Variants in ITGA2 observed in about 807,000 individuals in gnomAD.
ITGA2 encodes integrin subunit alpha 2.
In ITGA2, 101 loss-of-function variants were observed where a neutral mutation model predicts 146.3. That is an observed-to-expected ratio of 0.69 (90% CI 0.59 to 0.81). ITGA2 has a LOEUF of 0.81. ITGA2 is among the 40% of genes least tolerant of loss of function. ITGA2 has a pLI of 0.00. For synonymous variants in ITGA2, 477 were observed against 487.1 expected (o/e 0.98, Z 0.27); for missense variants, 1,281 against 1,402.7 (o/e 0.91, Z 1.39).
chr5:53,027,001 ATCTT>A, intron 2 of ITGA2, 133 bp downstream of exon 2: 1 of 758,160 alleles, frequency 1.3e-6, no homozygotes, highest in South Asian at 1.6e-5. Context: ...TAAATGAACA[ATCTT>A]TCTTTGAGAG....
intron 1 of ITGA2, among the ~76,000 whole-genome samples, chr5:53,008,926 A>C (rs1476229321): frequency 6.6e-6 from 1 of 152,160 alleles, no homozygotes; most frequent in Non-Finnish European, 1.5e-5. Flanking sequence ...GGACTTTATT[A>C]CTCACAGCAC....
chr5:53,080,706 A>G (rs201896262), intron 25 of ITGA2, 85 bp downstream of exon 25: 2 of 991,600 alleles, frequency 2.0e-6, no homozygotes, highest in East Asian at 4.8e-5. Flanking sequence ...CTGACATTTT[A>G]CAGATGGGAA....
chr5:53,045,845 A>G (rs1744054959), intron 4 of ITGA2, among the ~76,000 whole-genome samples: 1 of 152,190 alleles, frequency 6.6e-6, no homozygotes, highest in Non-Finnish European at 1.5e-5. Flanking sequence ...TCTTATTTGA[A>G]ATTTCCATTG....
chr5:53,003,641 A>G (rs1263228898), intron 1 of ITGA2, among the ~76,000 whole-genome samples: 2 of 152,200 alleles, frequency 1.3e-5, no homozygotes, highest in Non-Finnish European at 2.9e-5. Flanking sequence ...CTCAGAAATC[A>G]CATAACTGCA....
At chr5:53,000,914 T>G (rs1741553045) in intron 1 of ITGA2, among the ~76,000 whole-genome samples, 2 of 146,436 alleles carry the variant, frequency 1.4e-5, no homozygotes, top group African/African-American at 5.0e-5. Context: ...TTTTTTTTTT[T>G]TTTTCTTGAT....
intron 13 of ITGA2, 76 bp from the exon 14 acceptor site, chr5:53,064,836 C>A: frequency 7.0e-7 from 1 of 1,421,150 alleles, no homozygotes; most frequent in Non-Finnish European, 9.9e-7. Context: ...TGAGCCACCA[C>A]ACCCAGCTGC....
intron 1 of ITGA2, among the ~76,000 whole-genome samples, chr5:52,995,447 A>C (rs183763825): frequency 1.6e-4 from 25 of 152,100 alleles, no homozygotes; most frequent in Non-Finnish European, 3.5e-4. Flanking sequence ...TTTATTGGAA[A>C]GGCATTAAAG....
intron 7 of ITGA2, among the ~76,000 whole-genome samples, 156 bp downstream of exon 7, chr5:53,051,715 A>G (rs1744377180): frequency 6.6e-6 from 1 of 152,328 alleles, no homozygotes; most frequent in South Asian, 2.1e-4. Flanking sequence ...AGAGCATTCT[A>G]TGTCTTGAAT....
At chr5:53,005,278 G>A (rs1165968913) in intron 1 of ITGA2, among the ~76,000 whole-genome samples, 3 of 151,944 alleles carry the variant, frequency 2.0e-5, no homozygotes, top group African/African-American at 4.8e-5. Context: ...CCATTAGACA[G>A]CAATTTTCAG....
chr5:53,040,223 T>C (rs1743720542), intron 2 of ITGA2, among the ~76,000 whole-genome samples: 1 of 152,172 alleles, frequency 6.6e-6, no homozygotes, highest in South Asian at 2.1e-4. Flanking sequence ...GGAAGACACA[T>C]AGAAAAAGCC....
intron 3 of ITGA2, among the ~76,000 whole-genome samples, chr5:53,043,689 A>T (rs1743916690): frequency 6.6e-6 from 1 of 152,176 alleles, no homozygotes; most frequent in African/African-American, 2.4e-5. Flanking sequence ...TAAACAAGAG[A>T]TGATACTTTT....
In ITGA2 at chr5:53,060,164, C is replaced by A. The variant is rs543487108; in HGVS notation, c.1312+152C>A. ...ATACATATGTTGTCTCTTTGCCAAT[C>A]GGGCCTTAAGGCATAACTACTTATT... On this transcript the variant is annotated intron_variant, in intron 11 of 29. Coordinates refer to ENST00000296585, the MANE Select transcript of ITGA2 (RefSeq NM_002203.4). The A allele has an allele frequency of 1.1e-4, 89 of 835,526 alleles. 1 individual carries two copies. The highest frequency in any genetic ancestry group is 1.7e-4 in the Non-Finnish European group (84 of 507,296). 51.8% of individuals were successfully genotyped at this position (835,526 alleles called of 1,614,324 possible). A position where few individuals can be genotyped will look rare whatever the true frequency, so the allele number is the denominator to read the frequency against.
At chr5:53,055,488 T>C in intron 7 of ITGA2, 50 bp from the exon 8 acceptor site, 1 of 1,569,074 alleles carries the variant, frequency 6.4e-7, no homozygotes, top group Non-Finnish European at 8.8e-7. Context: ...GGTTCTCATA[T>C]TAACTTCATA....
At chr5:53,036,812 C>G (rs958560097) in intron 2 of ITGA2, among the ~76,000 whole-genome samples, 4 of 152,120 alleles carry the variant, frequency 2.6e-5, no homozygotes, top group Admixed American at 6.5e-5. Flanking sequence ...AGGTCTGGTA[C>G]ATAATAGGTC....
intron 2 of ITGA2, 147 bp from the exon 3 acceptor site, chr5:53,041,965 C>A (rs1408585877): frequency 1.1e-5 from 7 of 646,250 alleles, no homozygotes; most frequent in Non-Finnish European, 2.0e-5. Context: ...ATCAGCTAAG[C>A]AGAAAGGCAG....
chr5:53,028,447 T>C, intron 2 of ITGA2, among the ~76,000 whole-genome samples: 1 of 152,182 alleles, frequency 6.6e-6, no homozygotes, highest in Admixed American at 6.5e-5. Context: ...TTGTAACCAT[T>C]TGGGATACGA....
intron 27 of ITGA2, among the ~76,000 whole-genome samples, chr5:53,086,050 G>A (rs1746142910): frequency 6.6e-6 from 1 of 151,912 alleles, no homozygotes; most frequent in Admixed American, 6.6e-5. Context: ...GATTACAGGT[G>A]CCCACCACCA....
At chr5:53,029,951 G>T (rs1038119304) in intron 2 of ITGA2, among the ~76,000 whole-genome samples, 1 of 152,196 alleles carries the variant, frequency 6.6e-6, no homozygotes, top group Non-Finnish European at 1.5e-5. Flanking sequence ...AGGACATCTG[G>T]CACCGAGTTT....
At chr5:53,030,932 A>C (rs1743194446) in intron 2 of ITGA2, among the ~76,000 whole-genome samples, 1 of 152,220 alleles carries the variant, frequency 6.6e-6, no homozygotes, top group African/African-American at 2.4e-5. Flanking sequence ...CAGCCCTGCC[A>C]AGGTACCTTG....
Sources: allele counts gnomAD v4.1 joint callset (sites outside exome capture counted in the v4.1 genomes callset), GRCh38; gene constraint gnomAD v4.1.1; transcripts MANE v1.5; gene names NCBI Gene and HGNC (gene_info 2026-07-23, HGNC 2026-07-21).